B4GALT1: variants seen among roughly 807,000 people sequenced by gnomAD.
B4GALT1 encodes the protein N-acetyllactosamine synthase.
In B4GALT1, 16 loss-of-function variants were observed where a neutral mutation model predicts 34.9. The observed-to-expected ratio is 0.46, with a 90% CI of 0.31 to 0.70. B4GALT1 has a LOEUF of 0.70. Ranked by LOEUF, B4GALT1 falls within the 30% of genes least tolerant of loss-of-function variation. The pLI is 0.05. For synonymous variants in B4GALT1, 221 were observed against 218.1 expected, an observed-to-expected ratio of 1.01 and a Z score of -0.12; for missense variants, 445 against 530.5, an observed-to-expected ratio of 0.84 and a Z score of 1.58.
At chr9:33,174,987 AAAAATATATATATATATATAT>A in the B4GALT1 span, among the ~76,000 whole-genome samples, 1 of 35,080 alleles carries the variant, frequency 2.9e-5, no homozygotes, top group African/African-American at 9.5e-5. Flanking sequence ...AAAAAAAAAA[AAAAATATATATATATATATAT>A]ATATATATAT....
At chr9:33,150,780 T>C (rs1157850996) in intron 1 of B4GALT1, among the ~76,000 whole-genome samples, 1 of 152,228 alleles carries the variant, frequency 6.6e-6, no homozygotes, top group African/African-American at 2.4e-5. Flanking sequence ...TATAAAGCAG[T>C]GGCTTCCATT....
At chr9:33,128,619 G>C (rs13297246) in intron 2 of B4GALT1, among the ~76,000 whole-genome samples, 18 of 152,038 alleles carry the variant, frequency 1.2e-4, no homozygotes, top group Non-Finnish European at 1.9e-4. Flanking sequence ...CCAAGTGCCC[G>C]AAGGAAGGGG....
chr9:33,160,698 C>T (rs1587751480), intron 1 of B4GALT1, among the ~76,000 whole-genome samples: 3 of 151,894 alleles, frequency 2.0e-5, no homozygotes, highest in South Asian at 2.1e-4. Context: ...CCCGAGAGGT[C>T]GAGGCTGCAG....
rs1287022442 is a variant in B4GALT1, at chr9:33,114,682, G to A, written c.960-804C>T. Among the ~76,000 whole-genome samples the A allele has an allele frequency of 2.0e-5, 3 of 152,308 alleles. No individual in the cohort carries two copies. The East Asian group carries it at 5.8e-4, about 29-fold the overall frequency. On this transcript the variant is annotated intron_variant, in intron 4 of 5. Transcript: ENST00000379731. Reference sequence around the variant, plus strand: ...GGATTCTGTGTTGGTCCAAGGAAAAGGAATGAGGACCAAAATGAAAGCCTG... The same window carrying A: ...GGATTCTGTGTTGGTCCAAGGAAAAAGAATGAGGACCAAAATGAAAGCCTG...
the B4GALT1 span, among the ~76,000 whole-genome samples, chr9:33,175,296 G>A: frequency 1.3e-5 from 2 of 151,310 alleles, no homozygotes; most frequent in Non-Finnish European, 2.9e-5. Flanking sequence ...CTGAATGACA[G>A]TAAGACCCTG....
At chr9:33,176,749 C>A in the B4GALT1 span, among the ~76,000 whole-genome samples, 1 of 152,134 alleles carries the variant, frequency 6.6e-6, no homozygotes, top group Non-Finnish European at 1.5e-5. Flanking sequence ...CAGGTACTAC[C>A]TGCTGGGTGA....
At chr9:33,104,811 C>T in intron 2 of B4GALT1, 3 of 428,468 alleles carry the variant, frequency 7.0e-6, no homozygotes, top group Middle Eastern at 3.7e-4. Flanking sequence ...ACAGAAAATG[C>T]ATCATTTTAC....
At position 33,167,009 on chromosome 9, in the gene B4GALT1, A is replaced by T; in HGVS notation, c.161T>A (p.Val54Asp). The T allele has an allele frequency of 6.3e-7, 1 of 1,597,238 alleles. No individual in the cohort carries two copies. Among genetic ancestry groups the T allele is most frequent in the Non-Finnish European group, 8.5e-7 (1 of 1,177,654 alleles). The change falls in exon 1 of 6, where the codon GTC (valine) becomes GAC (aspartate). Residue 54 changes from valine to aspartate, a missense_variant. By Grantham distance (152) the Val-to-Asp change is radical (BLOSUM62 -3). Coordinates refer to ENST00000379731, the MANE Select transcript of B4GALT1 (RefSeq NM_001497.4). Reference sequence around the variant, plus strand: ...GCCCTGCAGCGGTGTGGAGACTCCGACCAGTTGGGGCAGGCGGCTCAGGTC... The same window carrying T: ...GCCCTGCAGCGGTGTGGAGACTCCGTCCAGTTGGGGCAGGCGGCTCAGGTC... ...GRDLSRLPQL[V>D]GVSTPLQGGS...
At chr9:33,131,510 C>A (rs1282989557) in intron 2 of B4GALT1, among the ~76,000 whole-genome samples, 1 of 152,184 alleles carries the variant, frequency 6.6e-6, no homozygotes, top group African/African-American at 2.4e-5. Flanking sequence ...TGTTTGGGAA[C>A]CCTTGGACTA....
rs533569991 is a variant in B4GALT1 at position 33,149,200 on chromosome 9, T to A, written c.413-13776A>T. On this transcript the variant is annotated intron_variant, in intron 1 of 5. Transcript: ENST00000379731. ...ACGATGAAAGGTAAGAAAAAAAATT[T>A]AAAAAAAAAAAAGTGGATGAAAGTT... Among the ~76,000 whole-genome samples, 196 of 147,090 alleles carry A rather than the reference T, an allele frequency of 1.3e-3. 1 individual carries two copies. Among genetic ancestry groups the A allele is most frequent in the African/African-American group, 3.0e-3 (122 of 40,304 alleles).
intron 1 of B4GALT1, among the ~76,000 whole-genome samples, chr9:33,147,625 A>G (rs574431867): frequency 7.2e-5 from 11 of 152,338 alleles, no homozygotes; most frequent in African/African-American, 2.6e-4. Flanking sequence ...GAGTCAGCAG[A>G]GTTCAACTAT....
At chr9:33,178,949 G>A in the B4GALT1 span, 1 of 152,228 alleles carries the variant, frequency 6.6e-6, no homozygotes, top group African/African-American at 2.4e-5. Context: ...AGCTCTGCAG[G>A]TTGGCTAGGT....
rs1314393049 is a variant in B4GALT1 at position 33,124,196 on chromosome 9, G to A, written c.649-3590C>T. Among the ~76,000 whole-genome samples the A allele has an allele frequency of 2.6e-5, 4 of 152,244 alleles. No individual in the cohort carries two copies. The East Asian group carries it at 7.7e-4, about 29-fold the overall frequency. ...ACACCTTCTTTGATAAGAAAGACAG[G>A]CCCTGGCAAGCTCACCAAGCCCCAC... is the stretch of plus-strand genomic sequence containing the variant. On this transcript the variant is annotated intron_variant, in intron 2 of 5. Transcript: ENST00000379731.
intron 1 of B4GALT1, among the ~76,000 whole-genome samples, chr9:33,148,291 A>G (rs1186113696): frequency 1.3e-5 from 2 of 152,210 alleles, no homozygotes; most frequent in East Asian, 3.9e-4. Flanking sequence ...AAGTTAAAAC[A>G]AAGAGTTATC....
At chr9:33,171,445 T>C (rs2770809), upstream of B4GALT1, among the ~76,000 whole-genome samples, 1 of 152,210 alleles carries the variant, frequency 6.6e-6, no homozygotes. Context: ...ATACAGAAGA[T>C]GGAGATCCCT....
At chr9:33,156,107 G>A (rs1481587464) in intron 1 of B4GALT1, among the ~76,000 whole-genome samples, 1 of 151,738 alleles carries the variant, frequency 6.6e-6, no homozygotes, top group Non-Finnish European at 1.5e-5. Flanking sequence ...TGCCCCATCT[G>A]CTGGATCTGT....
upstream of B4GALT1, among the ~76,000 whole-genome samples, chr9:33,168,032 A>G (rs73472946): frequency 1.8e-3 from 271 of 152,272 alleles, 2 homozygotes; most frequent in African/African-American, 6.1e-3. Context: ...GGAGTCCTGT[A>G]TACTTTGAAG....
chr9:33,149,495 G>C (rs2118237649), intron 1 of B4GALT1, among the ~76,000 whole-genome samples: 1 of 152,186 alleles, frequency 6.6e-6, no homozygotes, highest in South Asian at 2.1e-4. Context: ...ATGTTGGCTA[G>C]GATGGTTTCA....
At chr9:33,125,942 C>T (rs1399893625) in intron 2 of B4GALT1, among the ~76,000 whole-genome samples, 3 of 152,150 alleles carry the variant, frequency 2.0e-5, no homozygotes, top group African/African-American at 4.8e-5. Context: ...TCTCCTGCAC[C>T]AAAAGACACA....
Sources: gnomAD v4.1 joint callset for allele counts (sites outside exome capture counted in the v4.1 genomes callset) on GRCh38, gnomAD v4.1.1 for gene constraint, MANE v1.5 for transcripts, NCBI Gene and HGNC (gene_info 2026-07-23, HGNC 2026-07-21) for gene names.